Variants in DARS2 observed in about 807,000 individuals in gnomAD.
DARS2 encodes the protein aspartyl-tRNA synthetase 2, mitochondrial.
In DARS2, 63 loss-of-function variants were observed where a neutral mutation model predicts 83.0. The ratio of observed to expected loss-of-function variants is 0.76; its 90% CI spans 0.62 to 0.94. The LOEUF (loss-of-function observed/expected upper bound fraction) is 0.94. Among genes scored for constraint, DARS2 ranks in the 40% least tolerant of loss-of-function variants. The pLI is 0.00. For missense variants in DARS2, 675 were observed against 774.4 expected (o/e 0.87, Z 1.52); for synonymous variants, 250 against 269.3 (o/e 0.93, Z 0.70).
intron 7 of DARS2, among the ~76,000 whole-genome samples, chr1:173,836,282 CT>C (rs1205976377): frequency 2.0e-5 from 3 of 151,856 alleles, no homozygotes; most frequent in Admixed American, 2.0e-4. Flanking sequence ...TGGCTCACAC[CT>C]GTAATCCCAG....
chr1:173,847,984 C>G (rs1653502764), intron 12 of DARS2, among the ~76,000 whole-genome samples: 1 of 151,566 alleles, frequency 6.6e-6, no homozygotes, highest in Non-Finnish European at 1.5e-5. Flanking sequence ...TCCTGACTAG[C>G]TGGGACTACA....
intron 13 of DARS2, 75 bp downstream of exon 13, chr1:173,850,554 C>CA: frequency 7.0e-7 from 1 of 1,426,800 alleles, no homozygotes; most frequent in Non-Finnish European, 9.7e-7. Context: ...ATATAGTATA[C>CA]GTTTGAACTG....
chr1:173,839,992 A>C (rs1452775266), intron 10 of DARS2, among the ~76,000 whole-genome samples: 1 of 152,210 alleles, frequency 6.6e-6, no homozygotes, highest in Non-Finnish European at 1.5e-5. Context: ...GAACAGTTTC[A>C]TTACCAGGCC....
chr1:173,850,810 G>A (rs146151725), intron 13 of DARS2, among the ~76,000 whole-genome samples: 10,556 of 151,732 alleles, frequency 0.07, 465 homozygotes, highest in Admixed American at 0.098. Context: ...TCACCATGTT[G>A]CCCAGACTGG....
At chr1:173,832,027 C>T (rs893715831) in intron 5 of DARS2, among the ~76,000 whole-genome samples, 2 of 152,110 alleles carry the variant, frequency 1.3e-5, no homozygotes, top group Middle Eastern at 3.2e-3. Context: ...CTTAGAGCAA[C>T]GCTTGACCTC....
chr1:173,834,269 C>A (rs1329709661), intron 6 of DARS2, among the ~76,000 whole-genome samples: 1 of 152,146 alleles, frequency 6.6e-6, no homozygotes, highest in Non-Finnish European at 1.5e-5. Flanking sequence ...GAACAGTATG[C>A]TTTATGAACA....
chr1:173,856,944 G>A (rs1386535570), intron 16 of DARS2, among the ~76,000 whole-genome samples: 1 of 152,096 alleles, frequency 6.6e-6, no homozygotes, highest in African/African-American at 2.4e-5. Flanking sequence ...ATTTGCATTT[G>A]AAAGATCATT....
intron 12 of DARS2, 71 bp from the exon 13 acceptor site, chr1:173,850,256 A>G: frequency 4.1e-6 from 6 of 1,464,376 alleles, no homozygotes; most frequent in Non-Finnish European, 4.6e-6. Context: ...TCTTTGTATT[A>G]TAAGAAGATA....
rs754813564 is a variant in DARS2, at chr1:173,855,810, G to A, written c.1675-856G>A. 9.5e-4 allele frequency among the ~76,000 whole-genome samples: 138 copies of A among 145,258 alleles called. 1 individual carries two copies. The highest frequency in any genetic ancestry group is 1.5e-3 in the Non-Finnish European group (104 of 67,590). On this transcript the variant is annotated intron_variant, in intron 15 of 16. Coordinates refer to ENST00000649689, the MANE Select transcript of DARS2 (RefSeq NM_018122.5). ...TGGGACCACAGGCACACACCATCACGCCCAGCATTTTTTTTTTTTTTTGTA... is the reference window on the plus strand; with the variant it reads ...TGGGACCACAGGCACACACCATCACACCCAGCATTTTTTTTTTTTTTTGTA...
Position 173,836,929 on chromosome 1 carries a change from C to T in DARS2, c.664-11C>T. The T allele has an allele frequency of 6.2e-7, 1 of 1,609,398 alleles. No individual in the cohort carries two copies. The highest frequency in any genetic ancestry group is 8.5e-7 in the Non-Finnish European group (1 of 1,175,828). The stretch of plus-strand genomic sequence containing the variant: ...TAATCTGTCTTCTCTCTCTTTCTCT[C>T]TCTTTGAAAGGGTGCCAAAGAGTTT... On this transcript the variant is annotated splice_polypyrimidine_tract_variant and intron_variant, in intron 7 of 16. Coordinates refer to ENST00000649689, the MANE Select transcript of DARS2 (RefSeq NM_018122.5).
At chr1:173,847,806 A>C (rs192728342) in intron 12 of DARS2, among the ~76,000 whole-genome samples, 255 of 142,458 alleles carry the variant, frequency 1.8e-3, no homozygotes, top group South Asian at 3.1e-3. Context: ...GACCTCACCT[A>C]GTTACTCTGT....
chr1:173,832,785 AAG>A (rs1242482723), intron 5 of DARS2, among the ~76,000 whole-genome samples: 3 of 150,850 alleles, frequency 2.0e-5, no homozygotes, highest in South Asian at 2.1e-4. Flanking sequence ...AAAAAAAAAA[AAG>A]AGAGAGAAAA....
intron 16 of DARS2, among the ~76,000 whole-genome samples, chr1:173,857,169 G>A (rs1373328997): frequency 6.6e-6 from 1 of 152,130 alleles, no homozygotes; most frequent in Non-Finnish European, 1.5e-5. Context: ...CACCTAGATT[G>A]TAGGCCCCAA....
intron 11 of DARS2, among the ~76,000 whole-genome samples, chr1:173,842,826 T>C (rs1373035231): frequency 2.0e-5 from 3 of 150,256 alleles, no homozygotes; most frequent in Non-Finnish European, 4.4e-5. Context: ...TAATCTCAGC[T>C]ACCTGGGAGA....
chr1:173,828,605 G>C (rs897276828), intron 3 of DARS2, among the ~76,000 whole-genome samples: 2 of 152,118 alleles, frequency 1.3e-5, no homozygotes, highest in Non-Finnish European at 2.9e-5. Flanking sequence ...AAAAAATTTA[G>C]AGGAAAAAAA....
At position 173,853,550 on chromosome 1, in the gene DARS2, T is replaced by A. The variant is rs750303786; in HGVS notation, c.1546T>A (p.Tyr516Asn). The A allele has an allele frequency of 4.3e-6, 7 of 1,613,940 alleles. No homozygotes were observed. The highest frequency in any genetic ancestry group is 1.7e-5 in the Admixed American group (1 of 59,984). The stretch of plus-strand genomic sequence containing the variant: ...CCACCCCAGTGACATACATCTCCTG[T>A]ACACTGAGCCCAAAAAGGTACCGTA... ...APHPSDIHLL[Y>N]TEPKKARSQH... Residue 516 changes from tyrosine to asparagine, a missense_variant, in exon 14 of 17, where the codon TAC (tyrosine) becomes AAC (asparagine). Coordinates refer to ENST00000649689, the MANE Select transcript of DARS2 (RefSeq NM_018122.5).
rs1571995496 is a variant in DARS2 at position 173,850,236 on chromosome 1, G to A, written c.1192-91G>A. On this transcript the variant is annotated intron_variant, in intron 12 of 16. Coordinates refer to ENST00000649689, the MANE Select transcript of DARS2 (RefSeq NM_018122.5). Reference sequence around the variant, plus strand: ...TCTCTTTTAAATTCTCTTCTATTGGGAACCGGAAATCTTTGTATTATAAGA... The same window carrying A: ...TCTCTTTTAAATTCTCTTCTATTGGAAACCGGAAATCTTTGTATTATAAGA... 10 of 1,359,382 alleles carry A rather than the reference G, an allele frequency of 7.4e-6. No individual in the cohort carries two copies. In the South Asian group the frequency reaches 1.1e-4, roughly 15 times the overall value. The allele number at this position is 1,359,382 out of a possible 1,614,324, so 84.2% of individuals were successfully genotyped here.
At chr1:173,829,446 A>C (rs1272935904) in intron 3 of DARS2, among the ~76,000 whole-genome samples, 1 of 152,144 alleles carries the variant, frequency 6.6e-6, no homozygotes, top group Non-Finnish European at 1.5e-5. Context: ...ATTAGATAAA[A>C]TATGACAGAG....
chr1:173,825,449 CATTATTAT>C, intron 1 of DARS2, 93 bp downstream of exon 1: 2 of 470,788 alleles, frequency 4.2e-6, no homozygotes, highest in South Asian at 6.5e-5. Flanking sequence ...TTTTTTCCCC[CATTATTAT>C]TATTATTATT....
Sources: gnomAD v4.1 joint callset for allele counts (sites outside exome capture counted in the v4.1 genomes callset) on GRCh38, gnomAD v4.1.1 for gene constraint, MANE v1.5 for transcripts, NCBI Gene and HGNC (gene_info 2026-07-23, HGNC 2026-07-21) for gene names.